NCOA1: variants seen among roughly 807,000 people sequenced by gnomAD.
NCOA1 encodes Hin-2 protein.
Under a neutral mutation model 150.9 loss-of-function variants are expected in NCOA1, and 35 were observed. That is an observed-to-expected ratio of 0.23 (90% confidence interval 0.18 to 0.31). The LOEUF (loss-of-function observed/expected upper bound fraction) is 0.31, where lower values mean the gene tolerates loss of function less well. Among genes scored for constraint, NCOA1 ranks in the 10% least tolerant of loss-of-function variants. The pLI, the probability that NCOA1 is intolerant of heterozygous loss-of-function variation, is 1.00. For missense variants in NCOA1, 1,491 were observed against 1,749.3 expected, an observed-to-expected ratio of 0.85 and a Z score of 2.63; for synonymous variants, 590 against 630.0, an observed-to-expected ratio of 0.94 and a Z score of 0.95.
chr2:24,719,028 CAA>C (rs59556004), intron 14 of NCOA1, among the ~76,000 whole-genome samples: 1,659 of 34,212 alleles, frequency 0.048, 4 homozygotes, highest in African/African-American at 0.078. Flanking sequence ...GACTCTGTCC[CAA>C]AAAAAAAAAA....
At chr2:24,710,859 A>T in intron 13 of NCOA1, 72 bp from the exon 14 acceptor site, 1 of 1,424,976 alleles carries the variant, frequency 7.0e-7, no homozygotes, top group Admixed American at 1.9e-5. Flanking sequence ...TTAAAGAAGC[A>T]GCATTTTTTT....
In NCOA1 at chr2:24,770,566, T is replaced by G. The variant is rs915290276; in HGVS notation, c.*2175T>G. The G allele has an allele frequency of 3.3e-5, 7 of 214,288 alleles. No homozygotes were observed. Among genetic ancestry groups the G allele is most frequent in the African/African-American group, 1.4e-4 (6 of 44,292 alleles). 13.3% of individuals were successfully genotyped at this position (214,288 alleles called of 1,614,324 possible). On this transcript the variant is annotated 3_prime_UTR_variant, in exon 23 of 23. Transcript: ENST00000348332. The stretch of plus-strand genomic sequence containing the variant: ...ACAGGAAATTCACTTTTCCAGCTAC[T>G]GAATAGAATTTGTTTAACAACCTCA...
intron 1 of NCOA1, among the ~76,000 whole-genome samples, chr2:24,537,254 A>G (rs957229840): frequency 6.6e-6 from 1 of 151,900 alleles, no homozygotes; most frequent in Non-Finnish European, 1.5e-5. Flanking sequence ...ACACACACAC[A>G]CACACACACA....
At chr2:24,636,516 C>T (rs1400999550) in intron 3 of NCOA1, among the ~76,000 whole-genome samples, 1 of 152,100 alleles carries the variant, frequency 6.6e-6, no homozygotes, top group Non-Finnish European at 1.5e-5. Context: ...AATTGGTTCT[C>T]AGATTCCTTA....
At chr2:24,654,021 A>G (rs1007765689) in intron 4 of NCOA1, among the ~76,000 whole-genome samples, 1 of 152,200 alleles carries the variant, frequency 6.6e-6, no homozygotes, top group Non-Finnish European at 1.5e-5. Context: ...CATTTTATTT[A>G]TATGAAATTA....
chr2:24,643,086 G>T (rs534774805), intron 3 of NCOA1, among the ~76,000 whole-genome samples: 11 of 152,266 alleles, frequency 7.2e-5, no homozygotes, highest in East Asian at 5.8e-4. Flanking sequence ...TCATAGAATT[G>T]TAAAAAAGAC....
intron 14 of NCOA1, among the ~76,000 whole-genome samples, chr2:24,720,461 G>C (rs1478436135): frequency 2.6e-5 from 4 of 152,180 alleles, no homozygotes; most frequent in Admixed American, 2.6e-4. Flanking sequence ...TTCCCCTCCG[G>C]AGTACAGCTC....
intron 1 of NCOA1, among the ~76,000 whole-genome samples, chr2:24,550,645 A>G (rs764779168): frequency 3.3e-5 from 5 of 152,258 alleles, no homozygotes; most frequent in Non-Finnish European, 7.3e-5. Context: ...GCCAAACCAT[A>G]TCAGATATGC....
At chr2:24,505,289 C>A (rs541909672) in intron 1 of NCOA1, among the ~76,000 whole-genome samples, 1 of 151,784 alleles carries the variant, frequency 6.6e-6, no homozygotes, top group East Asian at 1.9e-4. Context: ...TGGGTTCAAG[C>A]GATTCTTCTG....
chr2:24,562,029 GAGA>G (rs542777262), intron 1 of NCOA1, among the ~76,000 whole-genome samples: 3 of 152,088 alleles, frequency 2.0e-5, no homozygotes, highest in Non-Finnish European at 4.4e-5. Flanking sequence ...ATGAAATATT[GAGA>G]AGATTAGTCC....
intron 1 of NCOA1, among the ~76,000 whole-genome samples, chr2:24,545,683 G>A (rs1355000434): frequency 6.6e-6 from 1 of 152,348 alleles, no homozygotes. Flanking sequence ...GAATGTTGGT[G>A]ATCTCAGAGG....
At position 24,768,505 on chromosome 2, in the gene NCOA1, A is replaced by T; in HGVS notation, c.*114A>T. The T allele has an allele frequency of 3.0e-5, 5 of 166,296 alleles. No individual in the cohort carries two copies. Among genetic ancestry groups the T allele is most frequent in the East Asian group, 1.4e-4 (1 of 7,188 alleles). The allele number at this position is 166,296 out of a possible 1,614,324, so 10.3% of individuals were successfully genotyped here. A position where few individuals can be genotyped will look rare whatever the true frequency, so the allele number is the denominator to read the frequency against. ...AATCTGCAGCCATTCTTCAGGTCGT[A>T]GCATTTGGAGCAAAAAAAAAAAAAA... is the stretch of plus-strand genomic sequence containing the variant. On this transcript the variant is annotated 3_prime_UTR_variant, in exon 23 of 23. Transcript: ENST00000348332.
chr2:24,567,843 T>TGGGTTCAAGCAATTCTCCTCCTCCC (rs1666577461), intron 2 of NCOA1, among the ~76,000 whole-genome samples: 1 of 152,156 alleles, frequency 6.6e-6, no homozygotes, highest in African/African-American at 2.4e-5. Context: ...CTCCGCCTCC[T>TGGGTTCAAGCAATTCTCCTCCTCCC]GGGTTCAAGC....
chr2:24,524,989 G>C (rs1664589056), intron 1 of NCOA1, among the ~76,000 whole-genome samples: 1 of 152,184 alleles, frequency 6.6e-6, no homozygotes, highest in Non-Finnish European at 1.5e-5. Flanking sequence ...AGAGAACTAT[G>C]GTAAATTGGG....
intron 22 of NCOA1, 145 bp from the exon 23 acceptor site, chr2:24,768,076 T>C (rs1189870226): frequency 1.2e-6 from 2 of 1,613,684 alleles, no homozygotes; most frequent in Non-Finnish European, 1.7e-6. Context: ...TTTCTTTTTG[T>C]AGGACAAGAA....
chr2:24,766,727 C>T (rs1485501790), intron 22 of NCOA1, among the ~76,000 whole-genome samples: 3 of 143,744 alleles, frequency 2.1e-5, no homozygotes, highest in African/African-American at 5.3e-5. Flanking sequence ...GCAGGAGGAT[C>T]GTTGACCTAG....
At position 24,711,022 on chromosome 2, in the gene NCOA1, A is replaced by G; in HGVS notation, c.2510A>G (p.Asp837Gly). Residue 837 changes from aspartate (D) to glycine (G), a missense_variant, in exon 14 of 23, where the codon GAT (aspartate) becomes GGT (glycine). Coordinates refer to ENST00000348332, the MANE Select transcript of NCOA1 (RefSeq NM_003743.5). ...LPGLCETDRM[D>G]GAVTSVTIKS... ...GGCTTATGTGAGACAGACAGGATGG[A>G]TGGTGCGGTCACCAGTGTAACCATC... The G allele has an allele frequency of 6.2e-7, 1 of 1,614,200 alleles. No individual in the cohort carries two copies. Among genetic ancestry groups the G allele is most frequent in the South Asian group, 1.1e-5 (1 of 91,084 alleles).
rs571604988 is a variant in NCOA1 at position 24,545,616 on chromosome 2, C to T, written c.-395-18679C>T. Among the ~76,000 whole-genome samples the T allele has an allele frequency of 3.9e-5, 6 of 152,166 alleles. 1 individual carries two copies. The South Asian group carries it at 1.2e-3, about 32-fold the overall frequency. ...AGAGGAATGGTTATTTGTATAGATT[C>T]TGTTTGAGATCAGATAAGTCAAGGA... On this transcript the variant is annotated intron_variant, in intron 1 of 22. Coordinates refer to ENST00000348332, the MANE Select transcript of NCOA1 (RefSeq NM_003743.5).
intron 3 of NCOA1, among the ~76,000 whole-genome samples, chr2:24,633,135 TAC>T (rs2148436877): frequency 6.6e-6 from 1 of 151,908 alleles, no homozygotes; most frequent in African/African-American, 2.4e-5. Flanking sequence ...CATATATAGA[TAC>T]ATATGCATAC....
Sources: gnomAD v4.1 joint callset for allele counts (sites outside exome capture counted in the v4.1 genomes callset) on GRCh38, gnomAD v4.1.1 for gene constraint, MANE v1.5 for transcripts, NCBI Gene and HGNC (gene_info 2026-07-23, HGNC 2026-07-21) for gene names.